DOCK7: variants seen among roughly 807,000 people sequenced by gnomAD.
DOCK7 encodes the protein dedicator of cytokinesis protein 7.
A neutral mutation model predicts 271.0 loss-of-function variants in DOCK7; 138 were observed. The observed-to-expected ratio is 0.51, with a 90% confidence interval of 0.44 to 0.59. DOCK7 has a LOEUF of 0.59. DOCK7 is among the 20% of genes least tolerant of loss of function. The pLI, the probability that DOCK7 is intolerant of heterozygous loss-of-function variation, is 0.00. For missense variants in DOCK7, 2,066 were observed against 2,592.4 expected, an observed-to-expected ratio of 0.80 and a Z score of 4.41; for synonymous variants, 823 against 876.1, an observed-to-expected ratio of 0.94 and a Z score of 1.07.
chr1:62,500,489 C>A lies in DOCK7; in HGVS notation c.4765-3992G>T, dbSNP rs914890252. 2.6e-5 allele frequency among the ~76,000 whole-genome samples: 4 copies of A among 151,778 alleles called. No individual in the cohort carries two copies. In the East Asian group the frequency reaches 5.8e-4, roughly 22 times the overall value. ...AGCACAGAAACCCCAAACACAGGAA[C>A]AAAACAAGTATTTTATATTCAAGAA... On this transcript the variant is annotated intron_variant, in intron 37 of 49. Transcript: ENST00000635253.
chr1:62,674,664 C>T (rs1660354250), intron 1 of DOCK7, among the ~76,000 whole-genome samples: 1 of 152,114 alleles, frequency 6.6e-6, no homozygotes, highest in African/African-American at 2.4e-5. Context: ...CATTTATGAT[C>T]AACTGATTTT....
intron 37 of DOCK7, among the ~76,000 whole-genome samples, chr1:62,502,972 TAAAA>T (rs920413806): frequency 1.3e-4 from 19 of 151,900 alleles, no homozygotes; most frequent in African/African-American, 4.6e-4. Context: ...AAGTTCAAAT[TAAAA>T]AGAAAGCAGA....
chr1:62,663,596 G>A (rs1658937722), intron 1 of DOCK7, among the ~76,000 whole-genome samples: 1 of 152,112 alleles, frequency 6.6e-6, no homozygotes, highest in Admixed American at 6.5e-5. Context: ...TTAATTCAGA[G>A]CCCTGACCAT....
At chr1:62,684,162 C>T (rs1661474563) in intron 1 of DOCK7, among the ~76,000 whole-genome samples, 1 of 150,876 alleles carries the variant, frequency 6.6e-6, no homozygotes, top group East Asian at 1.9e-4. Flanking sequence ...TTGCAGTGAG[C>T]CGATTGCGCC....
chr1:62,574,753 GAGTCTCACTCTGCCGCC>G (rs1646893238), intron 18 of DOCK7, among the ~76,000 whole-genome samples: 1 of 152,112 alleles, frequency 6.6e-6, no homozygotes, highest in Non-Finnish European at 1.5e-5. Flanking sequence ...TATTGAGACA[GAGTCTCACTCTGCCGCC>G]CAGGCTGGAG....
intron 29 of DOCK7, among the ~76,000 whole-genome samples, chr1:62,532,002 T>C (rs1571426191): frequency 6.6e-6 from 1 of 152,134 alleles, no homozygotes; most frequent in Non-Finnish European, 1.5e-5. Flanking sequence ...TTGTAGAAAC[T>C]AAAACAGGGT....
intron 29 of DOCK7, chr1:62,530,501 C>A (rs905174661): frequency 7.9e-5 from 12 of 152,186 alleles, no homozygotes; most frequent in African/African-American, 2.9e-4. Context: ...AACAGGTAGT[C>A]TTCTCCCAGA....
At chr1:62,590,694 C>T (rs983508707) in intron 14 of DOCK7, among the ~76,000 whole-genome samples, 8 of 152,128 alleles carry the variant, frequency 5.3e-5, no homozygotes, top group Non-Finnish European at 1.0e-4. Context: ...TGAACAGACA[C>T]TTCTGAAAAG....
rs980413183 is a variant in DOCK7 at position 62,688,259 on chromosome 1, G to T, written c.6C>A (p.Ala2=). ...TCTTCTGGGCGAAGGCGCGGCGCTCGGCCATGGCTGCTGCGGCGACGGCGA... is the reference window on the plus strand; with the variant it reads ...TCTTCTGGGCGAAGGCGCGGCGCTCTGCCATGGCTGCTGCGGCGACGGCGA... The part of the protein sequence containing the change: M[A]ERRAFAQKIS... The change falls in exon 1 of 50, where the codon GCC becomes GCA. Residue 2 remains alanine (A), a synonymous_variant. Transcript: ENST00000635253. 35 of 1,345,816 alleles carry T rather than the reference G, an allele frequency of 2.6e-5. No individual in the cohort carries two copies. In the African/African-American group the frequency reaches 4.9e-4, roughly 19 times the overall value. 83.4% of individuals were successfully genotyped at this position (1,345,816 alleles called of 1,614,324 possible). A position where few individuals can be genotyped will look rare whatever the true frequency, so the allele number is the denominator to read the frequency against.
chr1:62,476,079 T>C lies in DOCK7; in HGVS notation c.5712A>G (p.Leu1904=). Residue 1904 remains leucine (L), a synonymous_variant, in exon 45 of 50, where the codon TTA becomes TTG. Transcript: ENST00000635253. ...GAATCAACTATACCTTGTTAGGATCTAATTTACACTTGTCTACAGGATTAG... is the reference window on the plus strand; with the variant it reads ...GAATCAACTATACCTTGTTAGGATCCAATTTACACTTGTCTACAGGATTAG... The part of the protein sequence containing the change: ...KDSNPVDKCK[L]DPNKAYIQIT... The C allele has an allele frequency of 1.2e-6, 2 of 1,612,486 alleles. No homozygotes were observed. Among genetic ancestry groups the C allele is most frequent in the Non-Finnish European group, 1.7e-6 (2 of 1,179,154 alleles).
At chr1:62,575,252 T>C (rs1264401093) in intron 18 of DOCK7, among the ~76,000 whole-genome samples, 2 of 152,166 alleles carry the variant, frequency 1.3e-5, no homozygotes, top group Non-Finnish European at 2.9e-5. Flanking sequence ...ATGATGTATT[T>C]CTGTAAAGTT....
intron 31 of DOCK7, among the ~76,000 whole-genome samples, chr1:62,524,756 G>A (rs1644948694): frequency 6.6e-6 from 1 of 150,826 alleles, no homozygotes; most frequent in African/African-American, 2.4e-5. Flanking sequence ...AAATTAGCCA[G>A]GCATGATGGC....
At position 62,489,070 on chromosome 1, in the gene DOCK7, A is replaced by C; in HGVS notation, c.5362-5T>G. On this transcript the variant is annotated splice_polypyrimidine_tract_variant and splice_region_variant and intron_variant, in intron 41 of 49. Transcript: ENST00000635253. Reference sequence around the variant, plus strand: ...AACTGCTTCATACATGCCAGCCTATAAGAAAAAATTTTGTTAAGATGTTGC... The same window carrying C: ...AACTGCTTCATACATGCCAGCCTATCAGAAAAAATTTTGTTAAGATGTTGC... 6.4e-7 allele frequency: 1 copy of C among 1,551,126 alleles called. No homozygotes were observed. Among genetic ancestry groups the C allele is most frequent in the Non-Finnish European group, 8.7e-7 (1 of 1,151,748 alleles).
chr1:62,657,643 C>T (rs1285353168), intron 2 of DOCK7, among the ~76,000 whole-genome samples: 1 of 152,008 alleles, frequency 6.6e-6, no homozygotes, highest in African/African-American at 2.4e-5. Context: ...AATTCAACAG[C>T]AATTGTAAAC....
intron 14 of DOCK7, chr1:62,601,739 T>C: frequency 1.4e-6 from 2 of 1,399,424 alleles, no homozygotes; most frequent in East Asian, 4.6e-5. Context: ...TATTACTAAA[T>C]CTGATGTAAT....
chr1:62,597,873 A>G, intron 14 of DOCK7: 1 of 1,585,926 alleles, frequency 6.3e-7, no homozygotes, highest in South Asian at 1.2e-5. Flanking sequence ...GAGAAGAACT[A>G]CATATAAACT....
chr1:62,648,015 T>A (rs973786237), intron 6 of DOCK7, 91 bp downstream of exon 6: 8 of 1,211,908 alleles, frequency 6.6e-6, no homozygotes, highest in Non-Finnish European at 9.5e-6. Flanking sequence ...AGTTGCTTTA[T>A]CCTCTACATT....
At chr1:62,601,656 C>T in intron 14 of DOCK7, 1 of 719,696 alleles carries the variant, frequency 1.4e-6, no homozygotes. Flanking sequence ...ATAAACATTA[C>T]TGAAAAAATG....
At chr1:62,574,543 C>T (rs575369259) in intron 18 of DOCK7, among the ~76,000 whole-genome samples, 1 of 152,192 alleles carries the variant, frequency 6.6e-6, no homozygotes, top group Admixed American at 6.5e-5. Flanking sequence ...GCTTTTAAAC[C>T]AGTGCCAGAC....
Sources: allele counts gnomAD v4.1 joint callset (sites outside exome capture counted in the v4.1 genomes callset), GRCh38; gene constraint gnomAD v4.1.1; transcripts MANE v1.5; gene names NCBI Gene and HGNC (gene_info 2026-07-23, HGNC 2026-07-21).